The following ADGRV1 variants were observed in gnomAD, a reference collection of about 807,000 sequenced individuals.
ADGRV1 encodes the protein adhesion G protein-coupled receptor V1.
In ADGRV1, 359 loss-of-function variants were observed where a neutral mutation model predicts 596.2. That is an observed-to-expected ratio of 0.60 (90% CI 0.55 to 0.66). ADGRV1 has a LOEUF of 0.66. Ranked by LOEUF, ADGRV1 falls within the 30% of genes least tolerant of loss-of-function variation. ADGRV1 has a pLI of 0.00. For missense variants in ADGRV1, 7,274 were observed against 7,575.6 expected, an observed-to-expected ratio of 0.96 and a Z score of 1.48; for synonymous variants, 2,681 against 2,679.2, an observed-to-expected ratio of 1.00 and a Z score of -0.02.
intron 85 of ADGRV1, among the ~76,000 whole-genome samples, chr5:91,063,702 T>C (rs1787645906): frequency 6.6e-6 from 1 of 152,232 alleles, no homozygotes; most frequent in African/African-American, 2.4e-5. Context: ...CAAATTTGCT[T>C]CAGCCTCAAA....
At chr5:90,744,197 G>A (rs1255782793) in intron 50 of ADGRV1, among the ~76,000 whole-genome samples, 2 of 151,780 alleles carry the variant, frequency 1.3e-5, no homozygotes, top group Non-Finnish European at 2.9e-5. Flanking sequence ...ATGTTGCCGG[G>A]TCTCGAACCC....
In ADGRV1 at chr5:90,683,724, A is replaced by G; in HGVS notation, c.5803A>G (p.Ile1935Val). 1 of 1,613,788 alleles carries G rather than the reference A, an allele frequency of 6.2e-7. No homozygotes were observed. The highest frequency in any genetic ancestry group is 1.1e-5 in the South Asian group (1 of 91,058). Residue 1935 changes from isoleucine to valine, a missense_variant, in exon 28 of 90, where the codon ATA (isoleucine) becomes GTA (valine). Around this residue, in one of 5 missense-constraint regions of ADGRV1, gnomAD observed 3,643 missense variants for 3,809.2 expected, o/e 0.96. Coordinates refer to ENST00000405460, the MANE Select transcript of ADGRV1 (RefSeq NM_032119.4). ...GACGAGCGCCAATATCACTGTGGAG[A>G]TATTGCCTGACGAAGACCCAGAACT... ...GQTSANITVE[I>V]LPDEDPELDK...
intron 85 of ADGRV1, among the ~76,000 whole-genome samples, chr5:91,070,081 G>T (rs1303939155): frequency 7.2e-5 from 11 of 152,154 alleles, no homozygotes; most frequent in Non-Finnish European, 1.3e-4. Flanking sequence ...CGTAAAGATG[G>T]CAACAGTCAC....
intron 59 of ADGRV1, among the ~76,000 whole-genome samples, chr5:90,766,942 G>A (rs1757211291): frequency 6.6e-6 from 1 of 152,172 alleles, no homozygotes; most frequent in African/African-American, 2.4e-5. Context: ...AGCATATGGG[G>A]CCCAGTTAAG....
intron 83 of ADGRV1, among the ~76,000 whole-genome samples, chr5:90,904,165 A>T (rs910011976): frequency 6.6e-6 from 1 of 152,100 alleles, no homozygotes; most frequent in African/African-American, 2.4e-5. Context: ...TCATCTATTG[A>T]TGTACACTTA....
At chr5:90,943,806 T>C (rs1172651872) in intron 83 of ADGRV1, among the ~76,000 whole-genome samples, 1 of 152,138 alleles carries the variant, frequency 6.6e-6, no homozygotes, top group Non-Finnish European at 1.5e-5. Context: ...TCTGGGTCTC[T>C]TCACATGGCC....
chr5:90,841,938 A>C (rs1275858514), intron 78 of ADGRV1, among the ~76,000 whole-genome samples: 1 of 152,342 alleles, frequency 6.6e-6, no homozygotes, highest in Admixed American at 6.5e-5. Flanking sequence ...AGCAAAGGGA[A>C]GCGATTGCTA....
chr5:90,834,460 A>G (rs1429724027), intron 77 of ADGRV1, among the ~76,000 whole-genome samples: 2 of 152,152 alleles, frequency 1.3e-5, no homozygotes, highest in African/African-American at 2.4e-5. Flanking sequence ...ATGTCATGCT[A>G]CACTCTCCTG....
intron 85 of ADGRV1, among the ~76,000 whole-genome samples, chr5:91,031,915 T>C (rs1381178507): frequency 6.6e-6 from 1 of 152,068 alleles, no homozygotes; most frequent in Non-Finnish European, 1.5e-5. Context: ...AGAGATAAGT[T>C]GTTCAAAAAA....
chr5:91,160,150 T>C (rs1483702052), intron 89 of ADGRV1, among the ~76,000 whole-genome samples: 3 of 152,084 alleles, frequency 2.0e-5, no homozygotes, highest in African/African-American at 4.8e-5. Flanking sequence ...TAGAAGAAAA[T>C]AGATGACAAG....
intron 58 of ADGRV1, among the ~76,000 whole-genome samples, chr5:90,761,295 C>T (rs1437500460): frequency 6.6e-6 from 1 of 151,984 alleles, no homozygotes; most frequent in Non-Finnish European, 1.5e-5. Flanking sequence ...ATGAGCTCGT[C>T]CTTGGAAAAA....
At chr5:91,146,028 A>G (rs1795507766) in intron 87 of ADGRV1, among the ~76,000 whole-genome samples, 1 of 152,250 alleles carries the variant, frequency 6.6e-6, no homozygotes, top group Non-Finnish European at 1.5e-5. Context: ...CTACACTCCC[A>G]GAAATGTTAA....
At chr5:90,848,566 T>C in intron 78 of ADGRV1, 71 bp from the exon 79 acceptor site, 1 of 788,718 alleles carries the variant, frequency 1.3e-6, no homozygotes, top group Non-Finnish European at 1.8e-6. Flanking sequence ...CACACACACA[T>C]ATATGTATAG....
At chr5:90,966,555 A>AT (rs1384619603) in intron 84 of ADGRV1, among the ~76,000 whole-genome samples, 18 of 149,532 alleles carry the variant, frequency 1.2e-4, no homozygotes, top group Non-Finnish European at 1.3e-4. Context: ...AAAAAATAGA[A>AT]AGAAAGAAAG....
At chr5:90,650,157 C>T (rs543959671) in intron 17 of ADGRV1, among the ~76,000 whole-genome samples, 1 of 152,154 alleles carries the variant, frequency 6.6e-6, no homozygotes, top group Non-Finnish European at 1.5e-5. Context: ...TCTGACATGA[C>T]CTAGTGCTGG....
rs969001899 is a variant in ADGRV1, at chr5:90,853,292, C to G, written c.17213C>G (p.Thr5738Ser). The G allele has an allele frequency of 6.2e-7, 1 of 1,602,960 alleles. No individual in the cohort carries two copies. Among genetic ancestry groups the G allele is most frequent in the Non-Finnish European group, 8.5e-7 (1 of 1,173,202 alleles). The change falls in exon 80 of 90, where the codon ACC becomes AGC. Residue 5738 changes from threonine to serine, a missense_variant. This residue lies in a region of ADGRV1 where 1,874 missense variants were observed against 1,970.2 expected (regional missense o/e 0.95). Transcript: ENST00000405460. The part of the protein sequence containing the change: ...TCGSPGEKSK[T>S]ILDSCPYLSI... ...TTGCTTTTCTGTTGTAGAAGCAAAA[C>G]CATCCTTGATAGTTGCCCATATTTG... is the stretch of plus-strand genomic sequence containing the variant.
rs375653808 is a variant in ADGRV1, at chr5:90,627,278, C to A, written c.740C>A (p.Thr247Asn). Residue 247 changes from threonine to asparagine, a missense_variant, in exon 7 of 90, where the codon ACC (threonine) becomes AAC (asparagine). Coordinates refer to ENST00000405460, the MANE Select transcript of ADGRV1 (RefSeq NM_032119.4). Reference protein sequence around the residue: ...KSVEGGAEINTSRNSIEIIIK... With the variant: ...KSVEGGAEINNSRNSIEIIIK... ...GTAGAAGGAGGAGCTGAGATTAACA[C>A]CTCTAGGAATTCCATTGAGATCATC... 5.6e-6 allele frequency: 9 copies of A among 1,607,342 alleles called. No individual in the cohort carries two copies. In the African/African-American group the frequency reaches 1.2e-4, roughly 22 times the overall value.
intron 85 of ADGRV1, among the ~76,000 whole-genome samples, chr5:90,998,420 T>C (rs1781585748): frequency 6.6e-6 from 1 of 152,116 alleles, no homozygotes; most frequent in Admixed American, 6.6e-5. Context: ...AAAGTTTGCT[T>C]TTTATCAGTA....
Position 90,919,994 on chromosome 5 carries a change from C to CAAA in ADGRV1, c.17857-45402_17857-45400dup, listed in dbSNP as rs59122926. 3.6e-4 allele frequency among the ~76,000 whole-genome samples: 29 copies of CAAA among 80,032 alleles called. 1 individual carries two copies. The highest frequency in any genetic ancestry group is 7.2e-4 in the African/African-American group (15 of 20,928). The allele number at this position is 80,032 out of a possible 152,430, so 52.5% of individuals were successfully genotyped here. On this transcript the variant is annotated intron_variant, in intron 83 of 89. Coordinates refer to ENST00000405460, the MANE Select transcript of ADGRV1 (RefSeq NM_032119.4). ...GGGCAACAAGAGTGAAACTCCATCTCAAAAAAAAAAAAAAAAAAAAAGAAA... is the reference window on the plus strand; with the variant it reads ...GGGCAACAAGAGTGAAACTCCATCTCAAAAAAAAAAAAAAAAAAAAAAAAGAAA...
Sources: gnomAD v4.1 joint callset for allele counts (sites outside exome capture counted in the v4.1 genomes callset) on GRCh38, gnomAD v4.1.1 for gene constraint, gnomAD v4.1.1 regional missense constraint, MANE v1.5 for transcripts, NCBI Gene and HGNC (gene_info 2026-07-23, HGNC 2026-07-21) for gene names.